COL11A1: variants seen among roughly 807,000 people sequenced by gnomAD.
COL11A1 encodes collagen type XI alpha 1 chain, also known as collagen alpha-1(XI) chain.
A neutral mutation model predicts 265.2 loss-of-function variants in COL11A1; 74 were observed. The observed-to-expected ratio is 0.28, with a 90% CI of 0.23 to 0.34. The LOEUF (loss-of-function observed/expected upper bound fraction) is 0.34. Ranked by LOEUF, COL11A1 falls within the 10% of genes least tolerant of loss-of-function variation. The probability of loss-of-function intolerance (pLI) is 1.00; values close to 1 mark genes in which losing one functional copy is unlikely to be tolerated. For missense variants in COL11A1, 2,165 were observed against 2,263.6 expected (o/e 0.96, Z 0.88); for synonymous variants, 816 against 727.6 (o/e 1.12, Z -1.96).
chr1:103,094,834 A>G (rs1337194), intron 1 of COL11A1, among the ~76,000 whole-genome samples: 147,846 of 152,116 alleles, frequency 0.97, 71,990 homozygotes, highest in East Asian at 1. Flanking sequence ...ATGAAGTCTT[A>G]GGGGAGCCAA....
chr1:103,032,850 C>A (rs75059956), intron 4 of COL11A1, among the ~76,000 whole-genome samples: 1 of 151,812 alleles, frequency 6.6e-6, no homozygotes, highest in Non-Finnish European at 1.5e-5. Context: ...CTGTTCACAC[C>A]GTTCACATAT....
chr1:103,059,701 T>C (rs535123387), intron 4 of COL11A1, among the ~76,000 whole-genome samples: 1 of 152,186 alleles, frequency 6.6e-6, no homozygotes, highest in Non-Finnish European at 1.5e-5. Flanking sequence ...ATAAATGCTG[T>C]AGATAAAAAA....
rs1394594139 is a variant in COL11A1 at position 103,096,131 on chromosome 1, G to A, written c.106+11942C>T. The stretch of plus-strand genomic sequence containing the variant: ...TTTTAGGTTTACAGAAAAATTGAGA[G>A]GAAGGTGCAGATAGTTTCCATTCAT... On this transcript the variant is annotated intron_variant, in intron 1 of 66. Coordinates refer to ENST00000370096, the MANE Select transcript of COL11A1 (RefSeq NM_001854.4). Among the ~76,000 whole-genome samples, 4 of 151,924 alleles carry A rather than the reference G, an allele frequency of 2.6e-5. No homozygotes were observed. The South Asian group carries it at 8.3e-4, about 31-fold the overall frequency.
chr1:102,888,801 A>G (rs750007692), intron 60 of COL11A1, 43 bp from the exon 61 acceptor site: 1 of 1,613,220 alleles, frequency 6.2e-7, no homozygotes, highest in Non-Finnish European at 8.5e-7. Flanking sequence ...AATCTGGAGC[A>G]TTTGTGTCTC....
At chr1:103,075,183 A>T (rs952646640) in intron 3 of COL11A1, among the ~76,000 whole-genome samples, 10 of 152,116 alleles carry the variant, frequency 6.6e-5, no homozygotes, top group Admixed American at 3.9e-4. Flanking sequence ...AATTCCATTT[A>T]AAAAAACTCC....
intron 4 of COL11A1, among the ~76,000 whole-genome samples, chr1:103,035,443 T>G: frequency 6.6e-6 from 1 of 152,106 alleles, no homozygotes; most frequent in South Asian, 2.1e-4. Context: ...TGTGCTGACA[T>G]AAATGAAATA....
At chr1:103,093,727 C>T (rs116733960) in intron 1 of COL11A1, among the ~76,000 whole-genome samples, 85 of 152,158 alleles carry the variant, frequency 5.6e-4, no homozygotes, top group African/African-American at 1.9e-3. Flanking sequence ...AGTAATAAAC[C>T]GCCTTTTAAA....
chr1:103,005,823 A>AT lies in COL11A1; in HGVS notation c.1845+14dup. On this transcript the variant is annotated intron_variant, in intron 18 of 66. Coordinates refer to ENST00000370096, the MANE Select transcript of COL11A1 (RefSeq NM_001854.4). ...TATAACATTCCCTGGAAAAAAAGGA[A>AT]TAGATGTATCTTACCCTGTGACCTT... The AT allele has an allele frequency of 6.2e-7, 1 of 1,613,598 alleles. No homozygotes were observed. Among genetic ancestry groups the AT allele is most frequent in the Non-Finnish European group, 8.5e-7 (1 of 1,179,616 alleles).
intron 24 of COL11A1, among the ~76,000 whole-genome samples, chr1:103,000,307 A>C (rs1664988351): frequency 6.6e-6 from 1 of 151,924 alleles, no homozygotes; most frequent in African/African-American, 2.4e-5. Context: ...CATAACTAAT[A>C]GGACATTTTC....
At chr1:103,090,696 G>A (rs1394412085) in intron 1 of COL11A1, among the ~76,000 whole-genome samples, 1 of 152,098 alleles carries the variant, frequency 6.6e-6, no homozygotes, top group East Asian at 1.9e-4. Context: ...GGTGTCTAAT[G>A]CATAATACAT....
intron 1 of COL11A1, among the ~76,000 whole-genome samples, chr1:103,096,334 A>G (rs1171945977): frequency 6.6e-6 from 1 of 152,052 alleles, no homozygotes; most frequent in African/African-American, 2.4e-5. Flanking sequence ...TGGAGCAGAT[A>G]GGAGTTGCTG....
intron 2 of COL11A1, among the ~76,000 whole-genome samples, chr1:103,079,378 C>T (rs116264652): frequency 0.015 from 2,226 of 152,140 alleles, 44 homozygotes; most frequent in African/African-American, 0.051. Context: ...CTGTATATTG[C>T]TTCTTATTAA....
chr1:103,008,454 A>AT lies in COL11A1; in HGVS notation c.1683+8dup, dbSNP rs1557938552. 1.2e-6 allele frequency: 2 copies of AT among 1,612,908 alleles called. No homozygotes were observed. Among genetic ancestry groups the AT allele is most frequent in the Non-Finnish European group, 1.7e-6 (2 of 1,179,112 alleles). On this transcript the variant is annotated intron_variant, in intron 15 of 66. Transcript: ENST00000370096. The stretch of plus-strand genomic sequence containing the variant: ...GTCAAGAATAAAAAGTCAAATTTTT[A>AT]TTTTTTACCTGAGGACCTGGATCAC...
chr1:103,045,235 A>C, intron 4 of COL11A1, among the ~76,000 whole-genome samples: 1 of 152,190 alleles, frequency 6.6e-6, no homozygotes, highest in Admixed American at 6.6e-5. Flanking sequence ...CTATTGGAAT[A>C]ACTTTACAAA....
At chr1:103,031,600 CTG>C (rs1668001449) in intron 4 of COL11A1, among the ~76,000 whole-genome samples, 1 of 151,942 alleles carries the variant, frequency 6.6e-6, no homozygotes, top group Admixed American at 6.6e-5. Context: ...ATTTTAAAAA[CTG>C]TGCATATATA....
At chr1:103,022,261 A>T (rs1343005503) in intron 8 of COL11A1, among the ~76,000 whole-genome samples, 2 of 152,136 alleles carry the variant, frequency 1.3e-5, no homozygotes, top group East Asian at 3.8e-4. Context: ...TAAATATGGC[A>T]AAAATTAAAA....
intron 49 of COL11A1, among the ~76,000 whole-genome samples, chr1:102,916,417 T>C (rs1322461180): frequency 6.6e-6 from 1 of 152,072 alleles, no homozygotes; most frequent in African/African-American, 2.4e-5. Flanking sequence ...CAAGTAATCA[T>C]TTAAGTAAAA....
intron 41 of COL11A1, among the ~76,000 whole-genome samples, chr1:102,954,485 T>C (rs1660174145): frequency 6.6e-6 from 1 of 152,086 alleles, no homozygotes; most frequent in African/African-American, 2.4e-5. Flanking sequence ...CATAAACACA[T>C]AAAGTGCTTA....
Position 103,002,767 on chromosome 1 carries a change from G to C in COL11A1, c.2023C>G (p.Pro675Ala), listed in dbSNP as rs1189438796. ...QPGMAGVDGP[P>A]GPKGNMGPQG... ...CATACCATGTTCCCTTTTGGTCCTG[G>C]GGGGCCATCTACACCTGCCATACCC... Residue 675 changes from proline to alanine, a missense_variant, in exon 22 of 67, where the codon CCA becomes GCA. Coordinates refer to ENST00000370096, the MANE Select transcript of COL11A1 (RefSeq NM_001854.4). 1.2e-6 allele frequency: 2 copies of C among 1,612,394 alleles called. No homozygotes were observed. Among genetic ancestry groups the C allele is most frequent in the African/African-American group, 2.7e-5 (2 of 74,572 alleles).
Sources: gnomAD v4.1 joint callset for allele counts (sites outside exome capture counted in the v4.1 genomes callset) on GRCh38, gnomAD v4.1.1 for gene constraint, MANE v1.5 for transcripts, NCBI Gene and HGNC (gene_info 2026-07-23, HGNC 2026-07-21) for gene names.